Variants in UGT2B15 observed in about 807,000 individuals in gnomAD.
UGT2B15 encodes UDP-glucuronosyltransferase 2B15.
Under a neutral mutation model 45.9 loss-of-function variants are expected in UGT2B15, and 36 were observed. The observed-to-expected ratio is 0.78, with a 90% CI of 0.60 to 1.04. The LOEUF (loss-of-function observed/expected upper bound fraction) is 1.04. Ranked by LOEUF, UGT2B15 falls within the 50% of genes least tolerant of loss-of-function variation. The pLI, the probability that UGT2B15 is intolerant of heterozygous loss-of-function variation, is 0.00. For synonymous variants in UGT2B15, 219 were observed against 216.4 expected (o/e 1.01, Z -0.11); for missense variants, 617 against 622.4 (o/e 0.99, Z 0.09).
chr4:68,669,590 A>T (rs1393998264), intron 1 of UGT2B15, among the ~76,000 whole-genome samples: 2 of 151,960 alleles, frequency 1.3e-5, no homozygotes, highest in Non-Finnish European at 2.9e-5. Context: ...GTATCTATTG[A>T]CTTTTTTTAA....
At position 68,657,616 on chromosome 4, in the gene UGT2B15, GT is replaced by G. The variant is rs1300256833; in HGVS notation, c.1006-2435del. ...TTTTATGACACCTCTACTTGGCAGA[GT>G]TTATGTAAAATGAAGGTAATACGGT... On this transcript the variant is annotated intron_variant, in intron 3 of 5. Transcript: ENST00000338206. Among the ~76,000 whole-genome samples, 4 of 152,074 alleles carry G rather than the reference GT, an allele frequency of 2.6e-5. No individual in the cohort carries two copies. The East Asian group carries it at 7.7e-4, about 29-fold the overall frequency.
intron 5 of UGT2B15, among the ~76,000 whole-genome samples, chr4:68,650,281 A>G (rs1396241524): frequency 6.6e-5 from 10 of 151,896 alleles, no homozygotes; most frequent in Admixed American, 2.6e-4. Context: ...CCCCTCATGT[A>G]TTAGCTATTT....
chr4:68,649,298 T>TTTTTTTA (rs1732581609), intron 5 of UGT2B15, among the ~76,000 whole-genome samples: 1 of 104,290 alleles, frequency 9.6e-6, no homozygotes, highest in African/African-American at 3.0e-5. Context: ...TTTTTTTTTT[T>TTTTTTTA]GAGACAGAGT....
intron 5 of UGT2B15, among the ~76,000 whole-genome samples, chr4:68,648,962 T>C (rs1381823805): frequency 2.6e-5 from 4 of 152,074 alleles, no homozygotes; most frequent in Admixed American, 6.6e-5. Flanking sequence ...CTAATAATTA[T>C]GGTATTAAGA....
chr4:68,656,118 T>C, intron 3 of UGT2B15, among the ~76,000 whole-genome samples: 1 of 152,094 alleles, frequency 6.6e-6, no homozygotes, highest in East Asian at 1.9e-4. Context: ...TTTGTTTTTT[T>C]TGGAGTTTTA....
chr4:68,661,877 A>G (rs5029388), intron 3 of UGT2B15, among the ~76,000 whole-genome samples: 32 of 152,058 alleles, frequency 2.1e-4, no homozygotes, highest in African/African-American at 7.0e-4. Context: ...ATTTTGCTGC[A>G]TTTTGCTTAA....
In UGT2B15 at chr4:68,657,714, A is replaced by T. The variant is rs186919553; in HGVS notation, c.1006-2532T>A. On this transcript the variant is annotated intron_variant, in intron 3 of 5. Transcript: ENST00000338206. ...TAGAGTTCCTAAGTTCTCTCTTTTT[A>T]AAAAAAATTCTTTTCTTCTTGCTTT... Among the ~76,000 whole-genome samples, 941 of 151,918 alleles carry T rather than the reference A, an allele frequency of 6.2e-3. 14 individuals carry two copies. Among genetic ancestry groups the T allele is most frequent in the African/African-American group, 0.02 (824 of 41,432 alleles).
rs1733250754 is a variant in UGT2B15 at position 68,669,922 on chromosome 4, A to G, written c.697T>C (p.Trp233Arg). The G allele has an allele frequency of 1.2e-6, 2 of 1,612,596 alleles. No individual in the cohort carries two copies. Among genetic ancestry groups the G allele is most frequent in the South Asian group, 1.1e-5 (1 of 90,808 alleles). ...AGAACTTCACTATAAAACTGGTCCC[A>G]CTTCTTCAGATCATAAATTTGAAAC... ...FWFQIYDLKK[W>R]DQFYSEVLGR... The change falls in exon 1 of 6, where the codon TGG becomes CGG. Residue 233 changes from tryptophan (W) to arginine (R), a missense_variant. This residue lies in a region of UGT2B15 where 351 missense variants were observed against 342.1 expected (regional missense o/e 1.03). Transcript: ENST00000338206.
At chr4:68,657,888 C>A (rs1001932514) in intron 3 of UGT2B15, among the ~76,000 whole-genome samples, 6 of 151,876 alleles carry the variant, frequency 4.0e-5, no homozygotes, top group Non-Finnish European at 8.8e-5. Flanking sequence ...CATGTGTTTG[C>A]ATATATTTAA....
At chr4:68,662,696 G>A (rs1332391725) in intron 3 of UGT2B15, among the ~76,000 whole-genome samples, 2 of 151,406 alleles carry the variant, frequency 1.3e-5, no homozygotes, top group Non-Finnish European at 2.9e-5. Context: ...ACCAAAAGGA[G>A]CAAATGACAG....
chr4:68,666,495 T>A (rs1200207390), intron 2 of UGT2B15, among the ~76,000 whole-genome samples: 1 of 152,060 alleles, frequency 6.6e-6, no homozygotes, highest in Non-Finnish European at 1.5e-5. Flanking sequence ...GTAACTACTT[T>A]TTTTCCACAC....
chr4:68,651,967 A>G (rs1343647845), intron 5 of UGT2B15, among the ~76,000 whole-genome samples: 2 of 152,050 alleles, frequency 1.3e-5, no homozygotes. Context: ...TTTGGGCAGC[A>G]TGGCCATTTT....
At chr4:68,666,752 A>ATATAT (rs1553925091) in intron 2 of UGT2B15, among the ~76,000 whole-genome samples, 19 of 127,860 alleles carry the variant, frequency 1.5e-4, no homozygotes, top group African/African-American at 5.1e-4. Context: ...ATATATATAT[A>ATATAT]TTTTTTTTTT....
chr4:68,649,178 A>T (rs1732575924), intron 5 of UGT2B15, among the ~76,000 whole-genome samples: 1 of 151,800 alleles, frequency 6.6e-6, no homozygotes, highest in South Asian at 2.1e-4. Flanking sequence ...TATGACTAGA[A>T]CATATAATTT....
intron 5 of UGT2B15, among the ~76,000 whole-genome samples, chr4:68,649,689 C>T (rs1353420150): frequency 2.6e-5 from 4 of 151,884 alleles, no homozygotes; most frequent in African/African-American, 9.7e-5. Context: ...TACACACACA[C>T]ATATATAACA....
In UGT2B15 at chr4:68,670,325, T is replaced by A; in HGVS notation, c.294A>T (p.Ile98=). The A allele has an allele frequency of 1.2e-6, 2 of 1,613,974 alleles. No individual in the cohort carries two copies. Among genetic ancestry groups the A allele is most frequent in the Non-Finnish European group, 1.7e-6 (2 of 1,179,954 alleles). Residue 98 remains isoleucine (I), a synonymous_variant, in exon 1 of 6, where the codon ATA becomes ATT. Transcript: ENST00000338206. ...DSLLKILDRW[I]YGVSKNTFWS... Reference sequence around the variant, plus strand: ...AAAATGTATTTTTTGAAACACCATATATCCATCTATCGAGAATTTTCAGAA... The same window carrying A: ...AAAATGTATTTTTTGAAACACCATAAATCCATCTATCGAGAATTTTCAGAA...
At chr4:68,665,083 T>C (rs1733081474) in intron 2 of UGT2B15, among the ~76,000 whole-genome samples, 1 of 152,184 alleles carries the variant, frequency 6.6e-6, no homozygotes, top group African/African-American at 2.4e-5. Context: ...CATTCTGTGA[T>C]GTCTTTATGA....
At chr4:68,666,827 A>T (rs1167078325) in intron 2 of UGT2B15, among the ~76,000 whole-genome samples, 3 of 149,500 alleles carry the variant, frequency 2.0e-5, no homozygotes, top group Non-Finnish European at 4.4e-5. Context: ...GCTCTCTGCA[A>T]CCTCTGCCTC....
At chr4:68,659,346 T>C (rs1226349776) in intron 3 of UGT2B15, among the ~76,000 whole-genome samples, 1 of 152,042 alleles carries the variant, frequency 6.6e-6, no homozygotes, top group African/African-American at 2.4e-5. Context: ...TATGATTTTT[T>C]CTGACCTAAG....
Sources: gnomAD v4.1 joint callset for allele counts (sites outside exome capture counted in the v4.1 genomes callset) on GRCh38, gnomAD v4.1.1 for gene constraint, gnomAD v4.1.1 regional missense constraint, MANE v1.5 for transcripts, NCBI Gene and HGNC (gene_info 2026-07-23, HGNC 2026-07-21) for gene names.